The following PTPRK variants were observed in gnomAD, a reference collection of about 807,000 sequenced individuals.
The protein encoded by PTPRK is protein tyrosine phosphatase receptor type K, also known as receptor-type tyrosine-protein phosphatase kappa.
A neutral mutation model predicts 178.0 loss-of-function variants in PTPRK; 75 were observed. That is an observed-to-expected ratio of 0.42 (90% CI 0.35 to 0.51). PTPRK has a LOEUF of 0.51. Among genes scored for constraint, PTPRK ranks in the 20% least tolerant of loss-of-function variants. PTPRK has a pLI of 0.02. For missense variants in PTPRK, 1,441 were observed against 1,797.8 expected, an observed-to-expected ratio of 0.80 and a Z score of 3.59; for synonymous variants, 637 against 620.6, an observed-to-expected ratio of 1.03 and a Z score of -0.39.
At chr6:128,026,731 G>A (rs1774372128) in intron 13 of PTPRK, among the ~76,000 whole-genome samples, 2 of 152,048 alleles carry the variant, frequency 1.3e-5, no homozygotes, top group Non-Finnish European at 2.9e-5. Flanking sequence ...AGTACTTTAA[G>A]GAGGATATTA....
intron 6 of PTPRK, among the ~76,000 whole-genome samples, chr6:128,195,840 T>G (rs1804764404): frequency 1.3e-5 from 2 of 152,104 alleles, no homozygotes; most frequent in Non-Finnish European, 2.9e-5. Context: ...TCCAACTAAG[T>G]TTTATAACGT....
At chr6:128,277,348 T>C (rs1018554388) in intron 3 of PTPRK, among the ~76,000 whole-genome samples, 35 of 152,206 alleles carry the variant, frequency 2.3e-4, no homozygotes, top group Non-Finnish European at 3.4e-4. Flanking sequence ...TATCAATTCA[T>C]GCTGCTGTTA....
chr6:128,173,109 T>C (rs1053526151), intron 7 of PTPRK, among the ~76,000 whole-genome samples: 1 of 152,022 alleles, frequency 6.6e-6, no homozygotes, highest in Non-Finnish European at 1.5e-5. Context: ...AACAGTAAAC[T>C]ACATTTGATT....
chr6:128,210,304 T>C (rs2128264649), intron 6 of PTPRK, among the ~76,000 whole-genome samples: 1 of 151,830 alleles, frequency 6.6e-6, no homozygotes. Flanking sequence ...GTTATGCATA[T>C]ACTTACTGAT....
chr6:128,351,208 C>T (rs1833078264), intron 2 of PTPRK, among the ~76,000 whole-genome samples: 1 of 152,152 alleles, frequency 6.6e-6, no homozygotes, highest in Non-Finnish European at 1.5e-5. Context: ...GGTGGCATTA[C>T]TGTGCCAAAA....
intron 6 of PTPRK, among the ~76,000 whole-genome samples, chr6:128,214,271 T>C (rs1808803286): frequency 6.6e-6 from 1 of 152,100 alleles, no homozygotes; most frequent in Admixed American, 6.6e-5. Flanking sequence ...CAGTTCACCA[T>C]TGACCAAATA....
At chr6:128,501,510 T>C (rs183355003) in intron 1 of PTPRK, among the ~76,000 whole-genome samples, 314 of 152,332 alleles carry the variant, frequency 2.1e-3, no homozygotes, top group African/African-American at 6.9e-3. Context: ...AAAATGTGAA[T>C]ATCTTAGTTT....
rs34372021 is a variant in PTPRK, at chr6:128,471,604, TAA to T, written c.100+48653_100+48654del. Among the ~76,000 whole-genome samples, 252 of 63,596 alleles carry T rather than the reference TAA, an allele frequency of 4.0e-3. 4 individuals carry two copies. Among genetic ancestry groups the T allele is most frequent in the East Asian group, 0.012 (32 of 2,570 alleles). 41.7% of individuals were successfully genotyped at this position (63,596 alleles called of 152,430 possible). On this transcript the variant is annotated intron_variant, in intron 1 of 29. Transcript: ENST00000368226. The stretch of plus-strand genomic sequence containing the variant: ...GGCATTCACTAGATACAAAACAACC[TAA>T]AAAAAAAAAAAAAAAAAAAACTCAC...
chr6:128,114,605 A>G (rs1215402619), intron 7 of PTPRK, among the ~76,000 whole-genome samples: 1 of 149,794 alleles, frequency 6.7e-6, no homozygotes, highest in African/African-American at 2.5e-5. Flanking sequence ...CCTGGGTGAC[A>G]GAGTAAGACT....
intron 13 of PTPRK, among the ~76,000 whole-genome samples, chr6:128,046,027 T>C (rs1777980412): frequency 6.6e-6 from 1 of 152,154 alleles, no homozygotes; most frequent in African/African-American, 2.4e-5. Flanking sequence ...CAAAAAAGAA[T>C]TTATAATGAT....
At chr6:128,330,879 CA>C (rs148219879) in intron 2 of PTPRK, among the ~76,000 whole-genome samples, 30 of 68,482 alleles carry the variant, frequency 4.4e-4, no homozygotes, top group Non-Finnish European at 8.5e-4. Flanking sequence ...AAAACAAAAA[CA>C]AAAACAAAAC....
At chr6:128,165,935 T>G (rs1583294873) in intron 7 of PTPRK, among the ~76,000 whole-genome samples, 1 of 151,646 alleles carries the variant, frequency 6.6e-6, no homozygotes, top group Non-Finnish European at 1.5e-5. Flanking sequence ...CATTGGACAT[T>G]TATCAAAATT....
intron 3 of PTPRK, among the ~76,000 whole-genome samples, chr6:128,257,783 A>G (rs1817574897): frequency 6.6e-6 from 1 of 152,202 alleles, no homozygotes; most frequent in Non-Finnish European, 1.5e-5. Flanking sequence ...TGATGTAATA[A>G]AATGCCAACT....
intron 1 of PTPRK, among the ~76,000 whole-genome samples, chr6:128,419,842 A>G (rs2128386017): frequency 6.6e-6 from 1 of 152,330 alleles, no homozygotes; most frequent in East Asian, 1.9e-4. Flanking sequence ...CGAGAAGAGT[A>G]TCTGTTCCTC....
chr6:128,111,821 G>C (rs1790716690), intron 7 of PTPRK, among the ~76,000 whole-genome samples: 2 of 151,974 alleles, frequency 1.3e-5, no homozygotes, highest in African/African-American at 4.8e-5. Flanking sequence ...CGCATTTTTA[G>C]ATGATCAGTT....
intron 3 of PTPRK, among the ~76,000 whole-genome samples, chr6:128,310,871 G>A (rs1282987296): frequency 2.0e-5 from 3 of 152,108 alleles, no homozygotes; most frequent in African/African-American, 7.2e-5. Context: ...GAACTTGTCC[G>A]ACTTGGAACC....
At chr6:128,282,799 G>A (rs540561473) in intron 3 of PTPRK, among the ~76,000 whole-genome samples, 253 of 152,228 alleles carry the variant, frequency 1.7e-3, no homozygotes, top group Non-Finnish European at 2.5e-3. Flanking sequence ...AAAGCACTGT[G>A]AGCTTTTTTG....
chr6:128,312,339 G>A (rs1307034497), intron 3 of PTPRK, among the ~76,000 whole-genome samples: 1 of 152,170 alleles, frequency 6.6e-6, no homozygotes, highest in Non-Finnish European at 1.5e-5. Context: ...AGAGGTTCTG[G>A]TTTCTATGCC....
At chr6:128,016,523 T>C (rs1368473401) in intron 13 of PTPRK, among the ~76,000 whole-genome samples, 2 of 151,922 alleles carry the variant, frequency 1.3e-5, no homozygotes, top group African/African-American at 4.8e-5. Context: ...TTTCTCCAAC[T>C]TTTTTCAGGT....
Sources: gnomAD v4.1 joint callset for allele counts (sites outside exome capture counted in the v4.1 genomes callset) on GRCh38, gnomAD v4.1.1 for gene constraint, MANE v1.5 for transcripts, NCBI Gene and HGNC (gene_info 2026-07-23, HGNC 2026-07-21) for gene names.